Variants in NCOA2 observed in about 807,000 individuals in gnomAD.
The protein encoded by NCOA2 is class E basic helix-loop-helix protein 75.
A neutral mutation model predicts 145.1 loss-of-function variants in NCOA2; 21 were observed. The observed-to-expected ratio is 0.14, with a 90% CI of 0.10 to 0.21. NCOA2 has a LOEUF of 0.21. NCOA2 is among the 10% of genes least tolerant of loss of function. The pLI is 1.00. For missense variants in NCOA2, 1,472 were observed against 1,837.6 expected (o/e 0.80, Z 3.64); for synonymous variants, 619 against 637.5 (o/e 0.97, Z 0.44).
intron 16 of NCOA2, 75 bp from the exon 17 acceptor site, chr8:70,129,055 TCTCA>T (rs1306668287): frequency 2.2e-5 from 30 of 1,360,938 alleles, no homozygotes; most frequent in African/African-American, 5.9e-5. Flanking sequence ...GGCTGTTTTC[TCTCA>T]CTATCATATA....
chr8:70,114,066 T>C (rs1329523560), intron 22 of NCOA2, among the ~76,000 whole-genome samples: 4 of 152,192 alleles, frequency 2.6e-5, no homozygotes. Flanking sequence ...CTCAAATTCA[T>C]CCAGTACAAA....
At chr8:70,316,018 A>T (rs1380875268) in intron 1 of NCOA2, among the ~76,000 whole-genome samples, 1 of 152,226 alleles carries the variant, frequency 6.6e-6, no homozygotes, top group African/African-American at 2.4e-5. Context: ...CACTGCTTTG[A>T]ATGTGAGCCT....
chr8:70,294,966 ATT>A (rs1026259915), intron 2 of NCOA2, among the ~76,000 whole-genome samples: 1 of 152,202 alleles, frequency 6.6e-6, no homozygotes, highest in South Asian at 2.1e-4. Flanking sequence ...AATCCCTAAA[ATT>A]TTACTTTCAA....
intron 6 of NCOA2, among the ~76,000 whole-genome samples, chr8:70,169,763 A>G (rs1397134193): frequency 6.6e-6 from 1 of 152,162 alleles, no homozygotes; most frequent in Non-Finnish European, 1.5e-5. Flanking sequence ...CACAAAAATA[A>G]AAAATTAAAA....
At chr8:70,344,643 G>A (rs1042928379) in intron 1 of NCOA2, among the ~76,000 whole-genome samples, 13 of 152,160 alleles carry the variant, frequency 8.5e-5, no homozygotes, top group African/African-American at 3.1e-4. Flanking sequence ...TGAAGTGGAT[G>A]AAAGATAGAT....
chr8:70,291,971 G>T (rs891225744), intron 2 of NCOA2, among the ~76,000 whole-genome samples: 2 of 151,536 alleles, frequency 1.3e-5, no homozygotes, highest in Non-Finnish European at 2.9e-5. Flanking sequence ...AGCTACTCGG[G>T]GGCTGAGGCA....
At chr8:70,337,539 C>T (rs1372451838) in intron 1 of NCOA2, among the ~76,000 whole-genome samples, 4 of 152,090 alleles carry the variant, frequency 2.6e-5, no homozygotes, top group Non-Finnish European at 4.4e-5. Flanking sequence ...TATAACTCTA[C>T]CATCTGTAAC....
chr8:70,160,106 T>C (rs747228521), intron 9 of NCOA2, among the ~76,000 whole-genome samples: 44 of 152,200 alleles, frequency 2.9e-4, no homozygotes, highest in Middle Eastern at 3.2e-3. Context: ...ACATTTAATA[T>C]GTTCTCTGAA....
the NCOA2 span, among the ~76,000 whole-genome samples, chr8:70,437,639 T>C: frequency 6.6e-6 from 1 of 152,212 alleles, no homozygotes; most frequent in Non-Finnish European, 1.5e-5. Context: ...CATTCATGGA[T>C]AGATTTCTCC....
In NCOA2 at chr8:70,319,974, T is replaced by A. The variant is rs145201635; in HGVS notation, c.-76-23174A>T. Among the ~76,000 whole-genome samples, 1,294 of 152,308 alleles carry A rather than the reference T, an allele frequency of 8.5e-3. 17 individuals carry two copies. The highest frequency in any genetic ancestry group is 0.029 in the African/African-American group (1,193 of 41,574). ...TCCGATTTGTCAAAAAATATGATGA[T>A]GGGTAGCCTTGTTTTCCATGAGCAA... On this transcript the variant is annotated intron_variant, in intron 1 of 22. Transcript: ENST00000452400.
chr8:70,171,627 T>C lies in NCOA2; in HGVS notation c.364-1248A>G, dbSNP rs547116556. Among the ~76,000 whole-genome samples the C allele has an allele frequency of 9.8e-5, 15 of 152,312 alleles. No individual in the cohort carries two copies. In the South Asian group the frequency reaches 1.5e-3, roughly 15 times the overall value. ...TTCATCATACCTGGGACCAGGGCCATGGGGTCTAGTCAGTTTCTTTGTGAT... is the reference window on the plus strand; with the variant it reads ...TTCATCATACCTGGGACCAGGGCCACGGGGTCTAGTCAGTTTCTTTGTGAT... On this transcript the variant is annotated intron_variant, in intron 5 of 22. Transcript: ENST00000452400.
intron 1 of NCOA2, among the ~76,000 whole-genome samples, chr8:70,386,539 C>T (rs1238378002): frequency 6.6e-6 from 1 of 150,592 alleles, no homozygotes; most frequent in Non-Finnish European, 1.5e-5. Flanking sequence ...TACATGTCAT[C>T]GTCATTTAAT....
At chr8:70,115,016 T>C (rs1806929744) in intron 22 of NCOA2, among the ~76,000 whole-genome samples, 1 of 152,218 alleles carries the variant, frequency 6.6e-6, no homozygotes, top group Non-Finnish European at 1.5e-5. Context: ...TAAAGCTGAA[T>C]AGATATGTAT....
chr8:70,262,245 T>C (rs2135078874), intron 2 of NCOA2, among the ~76,000 whole-genome samples: 1 of 152,308 alleles, frequency 6.6e-6, no homozygotes, highest in African/African-American at 2.4e-5. Flanking sequence ...CCCCATTTTA[T>C]AGTAACTGTC....
chr8:70,386,394 T>C (rs1228200624), intron 1 of NCOA2, among the ~76,000 whole-genome samples: 3 of 152,306 alleles, frequency 2.0e-5, no homozygotes, highest in South Asian at 4.1e-4. Flanking sequence ...GCTGCCTTAA[T>C]CTACAAAATG....
intron 11 of NCOA2, among the ~76,000 whole-genome samples, chr8:70,152,961 C>G (rs1054037889): frequency 6.6e-6 from 1 of 152,126 alleles, no homozygotes; most frequent in Non-Finnish European, 1.5e-5. Context: ...GTTTGTACAG[C>G]AATCAATAGG....
At chr8:70,114,953 G>C (rs1416722079) in intron 22 of NCOA2, among the ~76,000 whole-genome samples, 1 of 152,098 alleles carries the variant, frequency 6.6e-6, no homozygotes, top group African/African-American at 2.4e-5. Context: ...AATGAGCTTA[G>C]AATACCTGTG....
intron 2 of NCOA2, among the ~76,000 whole-genome samples, chr8:70,237,876 GA>G (rs1007103692): frequency 1.4e-4 from 21 of 149,326 alleles, no homozygotes; most frequent in African/African-American, 3.2e-4. Flanking sequence ...CCATTAGGTT[GA>G]AAAAAAAAAT....
the NCOA2 span, among the ~76,000 whole-genome samples, chr8:70,445,708 T>A: frequency 6.6e-6 from 1 of 152,204 alleles, no homozygotes; most frequent in Non-Finnish European, 1.5e-5. Flanking sequence ...TCCTTCTCCA[T>A]GTTCTGCAGC....
Sources: gnomAD v4.1 joint callset for allele counts (sites outside exome capture counted in the v4.1 genomes callset) on GRCh38, gnomAD v4.1.1 for gene constraint, MANE v1.5 for transcripts, NCBI Gene and HGNC (gene_info 2026-07-23, HGNC 2026-07-21) for gene names.